The following NPAS3 variants were observed in gnomAD, a reference collection of about 807,000 sequenced individuals.
NPAS3 encodes neuronal PAS domain protein 3.
A neutral mutation model predicts 73.1 loss-of-function variants in NPAS3; 14 were observed. The ratio of observed to expected loss-of-function variants is 0.19; its 90% confidence interval spans 0.13 to 0.30. The LOEUF is 0.30. Among genes scored for constraint, NPAS3 ranks in the 10% least tolerant of loss-of-function variants. NPAS3 has a pLI of 1.00. For synonymous variants in NPAS3, 620 were observed against 541.5 expected (o/e 1.14, Z -2.01); for missense variants, 1,096 against 1,250.0 (o/e 0.88, Z 1.86).
chr14:33,260,057 T>C (rs1170542730), intron 3 of NPAS3, among the ~76,000 whole-genome samples: 2 of 152,142 alleles, frequency 1.3e-5, no homozygotes, highest in African/African-American at 2.4e-5. Context: ...CGGCATTTTG[T>C]TGGCCCTGGC....
downstream of NPAS3, chr14:33,801,326 G>A: frequency 1.1e-6 from 1 of 897,974 alleles, no homozygotes; most frequent in South Asian, 1.8e-5. Context: ...ACGACCAGTT[G>A]CCTGCCGTTT....
chr14:33,391,906 C>T (rs375819144), intron 4 of NPAS3, among the ~76,000 whole-genome samples: 12 of 152,136 alleles, frequency 7.9e-5, no homozygotes, highest in South Asian at 2.1e-4. Context: ...AATGACTAAT[C>T]GAATTGCAAA....
chr14:33,572,153 T>C (rs1240931498), intron 5 of NPAS3, among the ~76,000 whole-genome samples: 1 of 152,132 alleles, frequency 6.6e-6, no homozygotes, highest in Non-Finnish European at 1.5e-5. Flanking sequence ...AGAAAATATA[T>C]AAAATTCTAA....
chr14:33,398,972 A>C (rs1453449978), intron 4 of NPAS3, among the ~76,000 whole-genome samples: 1 of 152,088 alleles, frequency 6.6e-6, no homozygotes, highest in East Asian at 1.9e-4. Flanking sequence ...ACACTTTCCC[A>C]CTGTGACAAT....
At chr14:33,131,201 C>A (rs926726292) in intron 2 of NPAS3, among the ~76,000 whole-genome samples, 2 of 152,096 alleles carry the variant, frequency 1.3e-5, no homozygotes, top group Admixed American at 1.3e-4. Flanking sequence ...TTTAGTCTCT[C>A]TTGTGTAGTA....
At chr14:33,416,592 T>C (rs1020723093) in intron 4 of NPAS3, among the ~76,000 whole-genome samples, 12 of 152,136 alleles carry the variant, frequency 7.9e-5, no homozygotes, top group African/African-American at 2.9e-4. Flanking sequence ...TCCAGCAGTA[T>C]TGAATAGATT....
chr14:33,480,701 T>G (rs2051284763), intron 4 of NPAS3, among the ~76,000 whole-genome samples: 1 of 151,808 alleles, frequency 6.6e-6, no homozygotes, highest in Admixed American at 6.6e-5. Context: ...CAATGCTCTG[T>G]TTTTGGCAGG....
rs191284963 is a variant in NPAS3 at position 33,523,354 on chromosome 14, T to G, written c.469-36767T>G. Among the ~76,000 whole-genome samples the G allele has an allele frequency of 2.0e-3, 310 of 151,598 alleles. 1 individual carries two copies. The highest frequency in any genetic ancestry group is 7.0e-3 in the African/African-American group (289 of 41,290). On this transcript the variant is annotated intron_variant, in intron 4 of 11. Transcript: ENST00000356141. ...TATTACTGTAGAGAAAGGAGAAACC[T>G]TGGATACTATAAAAAGACACTGGCC...
chr14:33,772,169 G>A (rs998440017), intron 7 of NPAS3, among the ~76,000 whole-genome samples: 5 of 152,244 alleles, frequency 3.3e-5, no homozygotes, highest in African/African-American at 1.2e-4. Flanking sequence ...AAACAGAGAC[G>A]TAATAATAAA....
intron 2 of NPAS3, among the ~76,000 whole-genome samples, chr14:33,191,314 A>G (rs1417932529): frequency 2.6e-5 from 4 of 152,222 alleles, no homozygotes; most frequent in Non-Finnish European, 5.9e-5. Context: ...ATTTAAGGCT[A>G]TATATAGCAT....
chr14:33,261,135 C>G (rs1268724525), intron 3 of NPAS3, among the ~76,000 whole-genome samples: 1 of 152,112 alleles, frequency 6.6e-6, no homozygotes, highest in East Asian at 1.9e-4. Context: ...CAACCCATGT[C>G]AAATACCACC....
At chr14:33,300,183 G>T (rs1343509061) in intron 3 of NPAS3, among the ~76,000 whole-genome samples, 1 of 152,188 alleles carries the variant, frequency 6.6e-6, no homozygotes, top group Admixed American at 6.5e-5. Flanking sequence ...AGTGAAAAAT[G>T]TTGGCTTGAT....
intron 7 of NPAS3, among the ~76,000 whole-genome samples, chr14:33,767,607 T>TC (rs1030699337): frequency 2.6e-5 from 4 of 151,288 alleles, no homozygotes; most frequent in African/African-American, 9.7e-5. Flanking sequence ...GTCTTTTTTT[T>TC]TTTTTTTTCG....
chr14:33,764,263 A>G (rs1595571330), intron 7 of NPAS3, among the ~76,000 whole-genome samples: 1 of 152,272 alleles, frequency 6.6e-6, no homozygotes, highest in South Asian at 2.1e-4. Flanking sequence ...CTTTGAATAT[A>G]TGTTGCATTT....
At chr14:33,307,838 C>T (rs140522944) in intron 3 of NPAS3, among the ~76,000 whole-genome samples, 1,633 of 152,158 alleles carry the variant, frequency 0.011, 27 homozygotes, top group African/African-American at 0.037. Flanking sequence ...CAGACTGAGA[C>T]GCTCCGAATA....
chr14:33,357,475 A>G (rs935091362), intron 3 of NPAS3, among the ~76,000 whole-genome samples: 3 of 152,192 alleles, frequency 2.0e-5, no homozygotes, highest in African/African-American at 4.8e-5. Flanking sequence ...ACACTGTAGG[A>G]AAGGCAGAAG....
At chr14:33,529,502 T>C (rs1774096012) in intron 4 of NPAS3, among the ~76,000 whole-genome samples, 1 of 152,138 alleles carries the variant, frequency 6.6e-6, no homozygotes, top group South Asian at 2.1e-4. Flanking sequence ...CAGAATTTGA[T>C]GATGGATGAA....
intron 2 of NPAS3, among the ~76,000 whole-genome samples, chr14:33,166,677 C>T (rs2045167552): frequency 6.6e-6 from 1 of 152,192 alleles, no homozygotes; most frequent in Admixed American, 6.5e-5. Flanking sequence ...ATATTGCCTT[C>T]ATTTCAGTTC....
At chr14:33,712,412 G>T (rs1347250183) in intron 6 of NPAS3, among the ~76,000 whole-genome samples, 2 of 152,164 alleles carry the variant, frequency 1.3e-5, no homozygotes, top group Non-Finnish European at 1.5e-5. Flanking sequence ...ATGCAAACAG[G>T]CTTCATACCC....
Sources: gnomAD v4.1 joint callset for allele counts (sites outside exome capture counted in the v4.1 genomes callset) on GRCh38, gnomAD v4.1.1 for gene constraint, MANE v1.5 for transcripts, NCBI Gene and HGNC (gene_info 2026-07-23, HGNC 2026-07-21) for gene names.